Variants in ROCK2 observed in about 807,000 individuals in gnomAD.
The protein encoded by ROCK2 is Rho associated coiled-coil containing protein kinase 2.
A neutral mutation model predicts 195.1 loss-of-function variants in ROCK2; 61 were observed. The ratio of observed to expected loss-of-function variants is 0.31; its 90% confidence interval spans 0.25 to 0.39. ROCK2 has a LOEUF of 0.39. Among genes scored for constraint, ROCK2 ranks in the 10% least tolerant of loss-of-function variants. The probability of loss-of-function intolerance (pLI) is 1.00; values close to 1 mark genes in which losing one functional copy is unlikely to be tolerated. For synonymous variants in ROCK2, 504 were observed against 545.5 expected, an observed-to-expected ratio of 0.92 and a Z score of 1.06; for missense variants, 1,109 against 1,637.4, an observed-to-expected ratio of 0.68 and a Z score of 5.57.
Position 11,197,636 on chromosome 2 carries a change from G to A in ROCK2, c.3169C>T (p.Arg1057Trp), listed in dbSNP as rs1663689932. Residue 1057 changes from arginine to tryptophan, a missense_variant, in exon 26 of 33, where the codon CGG (arginine) becomes TGG (tryptophan). By Grantham distance (101) the Arg-to-Trp change is moderately radical. Coordinates refer to ENST00000315872, the MANE Select transcript of ROCK2 (RefSeq NM_004850.5). This position sits in a 1 kb window ranked among gnomAD's most constrained non-coding sequence, Gnocchi z 4.9. ...TTTCTATTCTCCTTCTCTTTTCTCCGCACATCTGTGTCATTACCACGCTTG... is the reference window on the plus strand; with the variant it reads ...TTTCTATTCTCCTTCTCTTTTCTCCACACATCTGTGTCATTACCACGCTTG... ...PVKRGNDTDV[R>W]RKEKENRKLH... 4 of 1,612,708 alleles carry A rather than the reference G, an allele frequency of 2.5e-6. No individual in the cohort carries two copies. Among genetic ancestry groups the A allele is most frequent in the South Asian group, 1.1e-5 (1 of 90,932 alleles).
chr2:11,220,360 G>A (rs1267589347), intron 9 of ROCK2, among the ~76,000 whole-genome samples: 1 of 151,812 alleles, frequency 6.6e-6, no homozygotes, highest in Non-Finnish European at 1.5e-5. Flanking sequence ...TGTTGCCTAG[G>A]CTGGTCTAGA....
intron 1 of ROCK2, among the ~76,000 whole-genome samples, chr2:11,321,790 C>G (rs1668407395): frequency 6.6e-6 from 1 of 152,114 alleles, no homozygotes; most frequent in East Asian, 1.9e-4. Context: ...TACAGCACTC[C>G]ACGTTAAAAA....
rs1477765999 is a variant in ROCK2 at position 11,180,024 on chromosome 2, A to T, written c.*3413T>A. The stretch of plus-strand genomic sequence containing the variant: ...CCCAAGCATGATATCCAGCGCTGTC[A>T]CACAGTGCTTATGTTCAAAGTGCTT... On this transcript the variant is annotated 3_prime_UTR_variant, in exon 33 of 33. Coordinates refer to ENST00000315872, the MANE Select transcript of ROCK2 (RefSeq NM_004850.5). 2 of 151,664 alleles carry T rather than the reference A, an allele frequency of 1.3e-5. No homozygotes were observed. Among genetic ancestry groups the T allele is most frequent in the African/African-American group, 2.4e-5 (1 of 41,360 alleles). 9.4% of individuals were successfully genotyped at this position (151,664 alleles called of 1,614,324 possible).
Position 11,201,391 on chromosome 2 carries a change from C to T in ROCK2, c.2642G>A (p.Arg881Lys), listed in dbSNP as rs200468857. The T allele has an allele frequency of 3.1e-6, 5 of 1,608,946 alleles. No individual in the cohort carries two copies. Residue 881 changes from arginine (R) to lysine (K), a missense_variant, in exon 22 of 33, where the codon AGG (arginine) becomes AAG (lysine). Arg to Lys is a conservative substitution (Grantham distance 26). This residue lies in a region of ROCK2 where 542 missense variants were observed against 672.0 expected (regional missense o/e 0.81). Transcript: ENST00000315872. This position sits in a 1 kb window ranked among gnomAD's most constrained non-coding sequence, Gnocchi z 4.6. ...YFSTLYKTQV[R>K]ELKEECEEKT... ...TTCTTCACATTCTTCTTTAAGCTCC[C>T]TAACTTGTGTTTTATAAAGGGTCTA...
Position 11,183,150 on chromosome 2 carries a change from T to C in ROCK2, c.*287A>G, listed in dbSNP as rs978906. 137,213 of 313,266 alleles carry C rather than the reference T, an allele frequency of 0.44. 32,202 individuals are homozygous for C. Among genetic ancestry groups the C allele is most frequent in the Admixed American group, 0.52 (10,278 of 19,652 alleles). The allele number at this position is 313,266 out of a possible 1,614,324, so 19.4% of individuals were successfully genotyped here. A position where few individuals can be genotyped will look rare whatever the true frequency, so the allele number is the denominator to read the frequency against. On this transcript the variant is annotated 3_prime_UTR_variant, in exon 33 of 33. Coordinates refer to ENST00000315872, the MANE Select transcript of ROCK2 (RefSeq NM_004850.5). ...TAACTCTTCTCAATCCTTGTGTGCA[T>C]TGTAGTGTGAGCGACTGCCGAGAGA...
chr2:11,243,551 C>A (rs987479516), intron 4 of ROCK2, among the ~76,000 whole-genome samples: 15 of 152,108 alleles, frequency 9.9e-5, no homozygotes, highest in Non-Finnish European at 2.2e-4. Flanking sequence ...ATGAAAATGG[C>A]ACTTTAACTC....
Position 11,183,368 on chromosome 2 carries a change from A to G in ROCK2, c.*69T>C. ...GCTTTTTAATAAATTTTGGGCCATC[A>G]TATTTCAGTCTTGTTTTCACTGGAA... On this transcript the variant is annotated 3_prime_UTR_variant, in exon 33 of 33. Coordinates refer to ENST00000315872, the MANE Select transcript of ROCK2 (RefSeq NM_004850.5). The G allele has an allele frequency of 1.5e-6, 2 of 1,374,070 alleles. No individual in the cohort carries two copies. Among genetic ancestry groups the G allele is most frequent in the Non-Finnish European group, 2.0e-6 (2 of 986,598 alleles). The allele number at this position is 1,374,070 out of a possible 1,614,324, so 85.1% of individuals were successfully genotyped here. A position where few individuals can be genotyped will look rare whatever the true frequency, so the allele number is the denominator to read the frequency against.
At chr2:11,278,850 T>C (rs745377997) in intron 3 of ROCK2, among the ~76,000 whole-genome samples, 10 of 152,078 alleles carry the variant, frequency 6.6e-5, no homozygotes, top group African/African-American at 1.7e-4. Flanking sequence ...CTGACCTCAG[T>C]TGATCCACCC....
At chr2:11,306,059 G>C (rs1558378367) in intron 1 of ROCK2, among the ~76,000 whole-genome samples, 1 of 152,208 alleles carries the variant, frequency 6.6e-6, no homozygotes, top group Non-Finnish European at 1.5e-5. Flanking sequence ...GTTCCAGATT[G>C]AAAGAGATTC....
At position 11,181,867 on chromosome 2, in the gene ROCK2, A is replaced by T. The variant is rs1346489093; in HGVS notation, c.*1570T>A. 6.6e-6 allele frequency: 1 copy of T among 152,008 alleles called. No individual in the cohort carries two copies. The highest frequency in any genetic ancestry group is 2.4e-5 in the African/African-American group (1 of 41,388). 9.4% of individuals were successfully genotyped at this position (152,008 alleles called of 1,614,324 possible). A position where few individuals can be genotyped will look rare whatever the true frequency, so the allele number is the denominator to read the frequency against. Reference sequence around the variant, plus strand: ...AGGCTGGTCTTGAACTCCTCACCTCAGGTGATCCGCCCGTCTTGGCCTCCC... The same window carrying T: ...AGGCTGGTCTTGAACTCCTCACCTCTGGTGATCCGCCCGTCTTGGCCTCCC... On this transcript the variant is annotated 3_prime_UTR_variant, in exon 33 of 33. Coordinates refer to ENST00000315872, the MANE Select transcript of ROCK2 (RefSeq NM_004850.5).
At chr2:11,335,430 TCCA>T (rs1165387311) in intron 1 of ROCK2, among the ~76,000 whole-genome samples, 3 of 152,186 alleles carry the variant, frequency 2.0e-5, no homozygotes, top group African/African-American at 7.2e-5. Context: ...CATATGCTAG[TCCA>T]CCAAGGGAAA....
intron 3 of ROCK2, among the ~76,000 whole-genome samples, chr2:11,283,587 C>CAAGAAAGA (rs55637351): frequency 0.038 from 4,816 of 126,308 alleles, 186 homozygotes; most frequent in Non-Finnish European, 0.059. Flanking sequence ...AAAAAAAAAG[C>CAAGAAAGA]AAGAAAGAAA....
chr2:11,335,227 T>C (rs1668894307), intron 1 of ROCK2, among the ~76,000 whole-genome samples: 1 of 151,982 alleles, frequency 6.6e-6, no homozygotes, highest in Non-Finnish European at 1.5e-5. Flanking sequence ...TGAAAAGATA[T>C]GTGAGGGTCA....
At chr2:11,304,974 A>G (rs1166202562) in intron 1 of ROCK2, among the ~76,000 whole-genome samples, 1 of 152,234 alleles carries the variant, frequency 6.6e-6, no homozygotes, top group African/African-American at 2.4e-5. Context: ...TACTAATGAT[A>G]GAATAAATAC....
At chr2:11,232,127 TTTC>T (rs1324449645) in intron 5 of ROCK2, among the ~76,000 whole-genome samples, 1 of 124,862 alleles carries the variant, frequency 8.0e-6, no homozygotes, top group Non-Finnish European at 1.9e-5. Flanking sequence ...ACTATGGACA[TTTC>T]TTTTTTTTTT....
At chr2:11,317,597 TATATA>T (rs1367156193) in intron 1 of ROCK2, among the ~76,000 whole-genome samples, 3 of 16,358 alleles carry the variant, frequency 1.8e-4, no homozygotes, top group Admixed American at 6.5e-4. Context: ...TATATATATA[TATATA>T]TATATATATA....
intron 5 of ROCK2, among the ~76,000 whole-genome samples, chr2:11,233,080 G>A (rs1476614811): frequency 6.6e-6 from 1 of 152,066 alleles, no homozygotes; most frequent in Admixed American, 6.6e-5. Flanking sequence ...CAGGCATGGT[G>A]GTGTACGCCT....
At chr2:11,214,742 T>C in intron 16 of ROCK2, 98 bp downstream of exon 16, 1 of 1,105,220 alleles carries the variant, frequency 9.0e-7, no homozygotes, top group South Asian at 1.6e-5. Context: ...TAATAGTATA[T>C]TCAGAAATGT....
chr2:11,236,024 C>A lies in ROCK2; in HGVS notation c.463-62G>T, dbSNP rs566008360. 7 of 1,381,292 alleles carry A rather than the reference C, an allele frequency of 5.1e-6. No homozygotes were observed. The African/African-American group carries it at 1.0e-4, about 20-fold the overall frequency. 85.6% of individuals were successfully genotyped at this position (1,381,292 alleles called of 1,614,324 possible). A position where few individuals can be genotyped will look rare whatever the true frequency, so the allele number is the denominator to read the frequency against. On this transcript the variant is annotated intron_variant, in intron 4 of 32. Transcript: ENST00000315872. Reference sequence around the variant, plus strand: ...CCCAAACCAAAAATCATAATCAGAACAAAAATTTAAAAAACTATTATTACT... The same window carrying A: ...CCCAAACCAAAAATCATAATCAGAAAAAAAATTTAAAAAACTATTATTACT...
Sources: allele counts gnomAD v4.1 joint callset (sites outside exome capture counted in the v4.1 genomes callset), GRCh38; gene constraint gnomAD v4.1.1; regional missense constraint gnomAD v4.1.1; non-coding constraint Gnocchi (gnomAD v3.1); transcripts MANE v1.5; gene names NCBI Gene and HGNC (gene_info 2026-07-23, HGNC 2026-07-21).